Variants in CADPS observed in about 807,000 individuals in gnomAD.
CADPS encodes the protein calcium dependent secretion activator.
Under a neutral mutation model 167.3 loss-of-function variants are expected in CADPS, and 57 were observed. The observed-to-expected ratio is 0.34, with a 90% CI of 0.28 to 0.42. The LOEUF (loss-of-function observed/expected upper bound fraction) is 0.42. CADPS is among the 20% of genes least tolerant of loss of function. The pLI, the probability that CADPS is intolerant of heterozygous loss-of-function variation, is 1.00. For missense variants in CADPS, 1,414 were observed against 1,738.1 expected (o/e 0.81, Z 3.32); for synonymous variants, 676 against 635.3 (o/e 1.06, Z -0.96).
intron 21 of CADPS, among the ~76,000 whole-genome samples, chr3:62,489,165 T>A (rs903742913): frequency 4.7e-5 from 7 of 147,880 alleles, no homozygotes; most frequent in African/African-American, 1.8e-4. Context: ...TAAACTTTTA[T>A]TATTTTTTTT....
intron 6 of CADPS, among the ~76,000 whole-genome samples, chr3:62,638,079 A>T (rs1010391788): frequency 9.3e-5 from 4 of 43,192 alleles, no homozygotes; most frequent in East Asian, 1.8e-3. Context: ...TTTAAGCATT[A>T]TATATATATA....
chr3:62,537,876 G>T (rs1264002929), intron 11 of CADPS, among the ~76,000 whole-genome samples: 1 of 151,982 alleles, frequency 6.6e-6, no homozygotes, highest in Non-Finnish European at 1.5e-5. Flanking sequence ...GGTATGGTCA[G>T]ATTTATACCT....
chr3:62,752,814 T>C (rs2082989405), intron 3 of CADPS, among the ~76,000 whole-genome samples: 1 of 152,218 alleles, frequency 6.6e-6, no homozygotes, highest in South Asian at 2.1e-4. Context: ...AAATATTTGT[T>C]GAATAAATGA....
chr3:62,633,549 C>A (rs2065707821), intron 6 of CADPS, among the ~76,000 whole-genome samples: 1 of 152,152 alleles, frequency 6.6e-6, no homozygotes, highest in East Asian at 1.9e-4. Flanking sequence ...TGCCTTCTTG[C>A]CGTAGAGTCT....
At chr3:62,504,686 C>G (rs1416895088) in intron 17 of CADPS, among the ~76,000 whole-genome samples, 1 of 152,024 alleles carries the variant, frequency 6.6e-6, no homozygotes, top group Non-Finnish European at 1.5e-5. Context: ...AAGAGCAAAA[C>G]AAAAACATCA....
intron 27 of CADPS, among the ~76,000 whole-genome samples, chr3:62,442,104 AAAAC>A (rs1336111581): frequency 3.3e-5 from 5 of 152,136 alleles, no homozygotes; most frequent in African/African-American, 9.7e-5. Context: ...ATAAAAAACA[AAAAC>A]AAACCAGAAA....
At chr3:62,776,397 G>A (rs564325735) in intron 1 of CADPS, among the ~76,000 whole-genome samples, 1 of 152,218 alleles carries the variant, frequency 6.6e-6, no homozygotes, top group Non-Finnish European at 1.5e-5. Context: ...GCTCATGCCT[G>A]TAATCCCAGC....
At chr3:62,670,853 G>T (rs778375155) in intron 3 of CADPS, among the ~76,000 whole-genome samples, 3 of 152,108 alleles carry the variant, frequency 2.0e-5, no homozygotes, top group Non-Finnish European at 4.4e-5. Flanking sequence ...CTTTCTTCAA[G>T]AAGCCCTCCT....
chr3:62,823,078 G>T (rs943254150), intron 1 of CADPS, among the ~76,000 whole-genome samples: 1 of 152,118 alleles, frequency 6.6e-6, no homozygotes, highest in Admixed American at 6.5e-5. Flanking sequence ...CTGCCACTTT[G>T]TCTTGGTTTC....
Position 62,753,923 on chromosome 3 carries a change from G to T in CADPS, c.556-150C>A. 1.5e-6 allele frequency: 1 copy of T among 670,216 alleles called. No homozygotes were observed. The highest frequency in any genetic ancestry group is 2.6e-6 in the Non-Finnish European group (1 of 390,742). The allele number at this position is 670,216 out of a possible 1,614,324, so 41.5% of individuals were successfully genotyped here. A position where few individuals can be genotyped will look rare whatever the true frequency, so the allele number is the denominator to read the frequency against. On this transcript the variant is annotated intron_variant, in intron 2 of 29. Coordinates refer to ENST00000383710, the MANE Select transcript of CADPS (RefSeq NM_003716.4). This position sits in a 1 kb window ranked among gnomAD's most constrained non-coding sequence, Gnocchi z 4.6. ...CCCTGCCCCACCACCTCCTGGCTGT[G>T]CAAACTCAGAGTAGTCTCTTACACA...
intron 13 of CADPS, among the ~76,000 whole-genome samples, chr3:62,524,869 G>A (rs1157306293): frequency 6.6e-6 from 1 of 152,070 alleles, no homozygotes; most frequent in African/African-American, 2.4e-5. Context: ...TTTAAAAATT[G>A]GCACTGCATA....
chr3:62,856,302 A>C (rs975381649), intron 1 of CADPS, among the ~76,000 whole-genome samples: 1 of 152,180 alleles, frequency 6.6e-6, no homozygotes, highest in East Asian at 1.9e-4. Flanking sequence ...TGTATAGGCC[A>C]TGTATGTTGA....
chr3:62,459,132 A>C (rs2059039141), intron 26 of CADPS, among the ~76,000 whole-genome samples: 1 of 152,234 alleles, frequency 6.6e-6, no homozygotes, highest in African/African-American at 2.4e-5. Context: ...ATAGCAGATC[A>C]GTGTTTAAGA....
intron 10 of CADPS, chr3:62,551,038 C>G (rs750603558): frequency 4.8e-6 from 2 of 419,216 alleles, no homozygotes; most frequent in Non-Finnish European, 9.5e-6. Flanking sequence ...TAGAAGCACC[C>G]TCTCTCATGG....
chr3:62,514,158 A>T lies in CADPS; in HGVS notation c.2582-1390T>A, dbSNP rs1346427616. The stretch of plus-strand genomic sequence containing the variant: ...AATTCTCACAGAGGGGCTCAAATGT[A>T]AAAAATGAAAGATTTCTTCTCTGAG... On this transcript the variant is annotated intron_variant, in intron 16 of 29. Transcript: ENST00000383710. The surrounding 1 kb of genome is among the most constrained non-coding windows in gnomAD (Gnocchi z 4.2). 6.6e-6 allele frequency among the ~76,000 whole-genome samples: 1 copy of T among 152,104 alleles called. No homozygotes were observed. Among genetic ancestry groups the T allele is most frequent in the Admixed American group, 6.6e-5 (1 of 15,246 alleles).
intron 1 of CADPS, chr3:62,779,192 C>A (rs1271049438): frequency 8.0e-6 from 2 of 251,210 alleles, no homozygotes; most frequent in Non-Finnish European, 1.7e-5. Context: ...TTGCTAGATG[C>A]CTTTGGAGCT....
At chr3:62,755,156 A>G (rs528604721) in intron 2 of CADPS, among the ~76,000 whole-genome samples, 35 of 152,260 alleles carry the variant, frequency 2.3e-4, no homozygotes, top group African/African-American at 8.2e-4. Context: ...CTGACTACCA[A>G]TGGGTAGTCT....
Position 62,684,419 on chromosome 3 carries a change from G to A in CADPS, c.889-22025C>T, listed in dbSNP as rs371287822. On this transcript the variant is annotated intron_variant, in intron 3 of 29. Coordinates refer to ENST00000383710, the MANE Select transcript of CADPS (RefSeq NM_003716.4). ...AGCTTGTGTATTGCCTACCCCAGCC[G>A]TAGAATCAGCCATTTCAAACAAGGA... Among the ~76,000 whole-genome samples the A allele has an allele frequency of 6.6e-5, 10 of 152,056 alleles. No homozygotes were observed. The East Asian group carries it at 9.8e-4, about 15-fold the overall frequency.
intron 1 of CADPS, among the ~76,000 whole-genome samples, chr3:62,872,298 A>G (rs1267117201): frequency 1.3e-5 from 2 of 152,328 alleles, no homozygotes; most frequent in African/African-American, 4.8e-5. Flanking sequence ...TTTTTAAAAA[A>G]TCAGAGTTCT....
Sources: allele counts gnomAD v4.1 joint callset (sites outside exome capture counted in the v4.1 genomes callset), GRCh38; gene constraint gnomAD v4.1.1; non-coding constraint Gnocchi (gnomAD v3.1); transcripts MANE v1.5; gene names NCBI Gene and HGNC (gene_info 2026-07-23, HGNC 2026-07-21).